The following REPS1 variants were observed in gnomAD, a reference collection of about 807,000 sequenced individuals.
REPS1 encodes RALBP1 associated Eps domain containing 1, also known as ralBP1-associated Eps domain-containing protein 1.
Under a neutral mutation model 100.9 loss-of-function variants are expected in REPS1, and 39 were observed. The ratio of observed to expected loss-of-function variants is 0.39; its 90% CI spans 0.30 to 0.50. The LOEUF (loss-of-function observed/expected upper bound fraction) is 0.50, where lower values mean the gene tolerates loss of function less well. Ranked by LOEUF, REPS1 falls within the 20% of genes least tolerant of loss-of-function variation. The pLI is 0.86. For missense variants in REPS1, 821 were observed against 968.5 expected (o/e 0.85, Z 2.02); for synonymous variants, 324 against 340.3 (o/e 0.95, Z 0.53).
chr6:138,982,660 G>C (rs1051448555), intron 1 of REPS1, among the ~76,000 whole-genome samples: 59 of 152,144 alleles, frequency 3.9e-4, no homozygotes, highest in African/African-American at 1.4e-3. Flanking sequence ...CTATGAGCCA[G>C]ATTTTTCTCC....
At chr6:138,906,423 T>C (rs1465265093) in intron 19 of REPS1, among the ~76,000 whole-genome samples, 1 of 152,216 alleles carries the variant, frequency 6.6e-6, no homozygotes, top group African/African-American at 2.4e-5. Context: ...TTATACCCAG[T>C]GTCTTGGCCT....
chr6:138,918,284 T>G (rs1039354683), intron 12 of REPS1, among the ~76,000 whole-genome samples: 3 of 152,146 alleles, frequency 2.0e-5, no homozygotes, highest in Admixed American at 6.6e-5. Context: ...TATTAAGTAT[T>G]ATAAGAAATC....
chr6:138,976,758 T>A (rs1784620954), intron 1 of REPS1, among the ~76,000 whole-genome samples: 1 of 152,270 alleles, frequency 6.6e-6, no homozygotes, highest in Non-Finnish European at 1.5e-5. Flanking sequence ...ATAACACATA[T>A]AAAGCACGCA....
In REPS1 at chr6:138,943,942, T is replaced by C. The variant is rs1782435014; in HGVS notation, c.827A>G (p.Asp276Gly). 18 of 1,613,708 alleles carry C rather than the reference T, an allele frequency of 1.1e-5. No individual in the cohort carries two copies. The highest frequency in any genetic ancestry group is 1.5e-5 in the Non-Finnish European group (18 of 1,179,778). The part of the protein sequence containing the change: ...IEIRRQSSSY[D>G]DPWKITDEQR... ...TTCATCTGTTATTTTCCAGGGATCA[T>C]CATAACTACTGGATTGCCTACGAAT... The change falls in exon 6 of 20, where the codon GAT (aspartate) becomes GGT (glycine). Residue 276 changes from aspartate to glycine, a missense_variant. By Grantham distance (94) the Asp-to-Gly change is moderately conservative. Transcript: ENST00000450536.
At chr6:138,947,029 C>G in intron 2 of REPS1, among the ~76,000 whole-genome samples, 1 of 118,826 alleles carries the variant, frequency 8.4e-6, no homozygotes, top group Admixed American at 9.0e-5. Flanking sequence ...GTGGCTATTC[C>G]CCCTTGCTCT....
At chr6:138,908,221 A>C (rs1304083496) in intron 18 of REPS1, among the ~76,000 whole-genome samples, 1 of 147,730 alleles carries the variant, frequency 6.8e-6, no homozygotes, top group Non-Finnish European at 1.5e-5. Flanking sequence ...TGGGAAGAAT[A>C]CCTACCCGTA....
rs1336813944 is a variant in REPS1 at position 138,921,141 on chromosome 6, G to A, written c.1339-17C>T. On this transcript the variant is annotated splice_polypyrimidine_tract_variant and intron_variant, in intron 10 of 19. Coordinates refer to ENST00000450536, the MANE Select transcript of REPS1 (RefSeq NM_001286611.2). ...AGCAGTATCCTAGAGACAAATGGGA[G>A]GAAATAAAGAATTTGTATTAAAATG... The A allele has an allele frequency of 2.0e-6, 3 of 1,495,440 alleles. No homozygotes were observed. The highest frequency in any genetic ancestry group is 1.9e-5 in the Admixed American group (1 of 53,860). 92.6% of individuals were successfully genotyped at this position (1,495,440 alleles called of 1,614,324 possible). A position where few individuals can be genotyped will look rare whatever the true frequency, so the allele number is the denominator to read the frequency against.
intron 1 of REPS1, among the ~76,000 whole-genome samples, chr6:138,985,323 A>G (rs1027262241): frequency 1.3e-5 from 2 of 152,128 alleles, no homozygotes; most frequent in African/African-American, 4.8e-5. Context: ...TATGGCATAC[A>G]TTATACCTTA....
At chr6:138,977,341 T>C (rs1301156598) in intron 1 of REPS1, among the ~76,000 whole-genome samples, 2 of 152,204 alleles carry the variant, frequency 1.3e-5, no homozygotes, top group Non-Finnish European at 2.9e-5. Context: ...ACAGTTAGCA[T>C]GTTGTTATTA....
In REPS1 at chr6:138,987,838, A is replaced by G. The variant is rs866081704; in HGVS notation, c.-156T>C. ...CACACGCGCCAGGTGCGCCCGAGCAACAGGGCCCGGAGGTCGCGAGGAGGG... is the reference window on the plus strand; with the variant it reads ...CACACGCGCCAGGTGCGCCCGAGCAGCAGGGCCCGGAGGTCGCGAGGAGGG... On this transcript the variant is annotated 5_prime_UTR_variant, in exon 1 of 20. Coordinates refer to ENST00000450536, the MANE Select transcript of REPS1 (RefSeq NM_001286611.2). The G allele has an allele frequency of 1.1e-6, 1 of 900,186 alleles. No individual in the cohort carries two copies. The highest frequency in any genetic ancestry group is 3.9e-4 in the Middle Eastern group (1 of 2,586). The allele number at this position is 900,186 out of a possible 1,614,324, so 55.8% of individuals were successfully genotyped here.
intron 1 of REPS1, among the ~76,000 whole-genome samples, chr6:138,973,728 TA>T (rs931391331): frequency 2.0e-5 from 3 of 151,880 alleles, no homozygotes; most frequent in Non-Finnish European, 4.4e-5. Context: ...ATAGAGATAA[TA>T]AACTGTATCC....
chr6:138,907,488 A>AT lies in REPS1; in HGVS notation c.2322+6dup. On this transcript the variant is annotated splice_region_variant and intron_variant, in intron 19 of 19. Transcript: ENST00000450536. ...GGAACATTATAAAGATTCAGAAACT[A>AT]TATTACCTTTAATTGTTGCTGCAAT... 6.3e-7 allele frequency: 1 copy of AT among 1,593,266 alleles called. No individual in the cohort carries two copies. Among genetic ancestry groups the AT allele is most frequent in the Non-Finnish European group, 8.6e-7 (1 of 1,161,472 alleles).
At chr6:138,920,180 T>TC (rs1562519382) in intron 12 of REPS1, 35 bp downstream of exon 12, 1 of 1,114,922 alleles carries the variant, frequency 9.0e-7, no homozygotes, top group East Asian at 2.4e-5. Flanking sequence ...CCAGACTTAG[T>TC]AAACTTCAAA....
chr6:138,980,696 GGGA>G, intron 1 of REPS1, among the ~76,000 whole-genome samples: 2 of 131,296 alleles, frequency 1.5e-5, no homozygotes, highest in Admixed American at 7.5e-5. Context: ...GGGGGGGGGG[GGGA>G]ACGGAGACTT....
chr6:138,961,718 G>A (rs1562557208), intron 1 of REPS1, among the ~76,000 whole-genome samples: 2 of 152,174 alleles, frequency 1.3e-5, no homozygotes, highest in South Asian at 2.1e-4. Context: ...ACAGACCAGG[G>A]TCTGGAGACC....
chr6:138,945,335 G>A lies in REPS1; in HGVS notation c.512C>T (p.Pro171Leu). ...CCTCCATGTGTGTGGAGAAGTTGGT[G>A]GGGATTGCTGTGGTGAAACTACTGG... The part of the protein sequence containing the change: ...ASPVVSPQQS[P>L]PTSPHTWRKH... Residue 171 changes from proline to leucine, a missense_variant, in exon 4 of 20, where the codon CCA becomes CTA. Coordinates refer to ENST00000450536, the MANE Select transcript of REPS1 (RefSeq NM_001286611.2). 1 of 1,612,010 alleles carries A rather than the reference G, an allele frequency of 6.2e-7. No individual in the cohort carries two copies.
At chr6:138,930,222 C>A (rs1372716657) in intron 8 of REPS1, 124 bp from the exon 9 acceptor site, 6 of 712,384 alleles carry the variant, frequency 8.4e-6, no homozygotes, top group Non-Finnish European at 1.3e-5. Flanking sequence ...ATCTAAATCT[C>A]CTTTCCTCAT....
intron 9 of REPS1, 186 bp from the exon 10 acceptor site, chr6:138,926,667 G>T: frequency 1.8e-6 from 1 of 557,440 alleles, no homozygotes; most frequent in Non-Finnish European, 3.2e-6. Context: ...TGTAATGTAA[G>T]GTGAGGAGTT....
chr6:138,920,082 A>C lies in REPS1; in HGVS notation c.1528+133T>G, dbSNP rs542052611. ...CAACCATTTATTCACTGATAGGGCAAAGTGTTCGAAAGGGTTCACTCTCCT... is the reference window on the plus strand; with the variant it reads ...CAACCATTTATTCACTGATAGGGCACAGTGTTCGAAAGGGTTCACTCTCCT... On this transcript the variant is annotated intron_variant, in intron 12 of 19. Transcript: ENST00000450536. 1.7e-5 allele frequency: 9 copies of C among 517,770 alleles called. No individual in the cohort carries two copies. The East Asian group carries it at 2.9e-4, about 17-fold the overall frequency. The allele number at this position is 517,770 out of a possible 1,614,324, so 32.1% of individuals were successfully genotyped here. A position where few individuals can be genotyped will look rare whatever the true frequency, so the allele number is the denominator to read the frequency against.
Sources: gnomAD v4.1 joint callset for allele counts (sites outside exome capture counted in the v4.1 genomes callset) on GRCh38, gnomAD v4.1.1 for gene constraint, MANE v1.5 for transcripts, NCBI Gene and HGNC (gene_info 2026-07-23, HGNC 2026-07-21) for gene names.